The following PCM1 variants were observed in gnomAD, a reference collection of about 807,000 sequenced individuals.
The protein encoded by PCM1 is pericentriolar material 1 protein.
Under a neutral mutation model 241.9 loss-of-function variants are expected in PCM1, and 157 were observed. That is an observed-to-expected ratio of 0.65 (90% CI 0.57 to 0.74). The LOEUF (loss-of-function observed/expected upper bound fraction) is 0.74. PCM1 is among the 30% of genes least tolerant of loss of function. The probability of loss-of-function intolerance (pLI) is 0.00; values close to 1 mark genes in which losing one functional copy is unlikely to be tolerated. For synonymous variants in PCM1, 1,085 were observed against 784.9 expected, an observed-to-expected ratio of 1.38 and a Z score of -6.39; for missense variants, 3,478 against 2,360.1, an observed-to-expected ratio of 1.47 and a Z score of -9.81.
chr8:18,007,742 A>T (rs2091726228), intron 30 of PCM1, among the ~76,000 whole-genome samples: 1 of 152,196 alleles, frequency 6.6e-6, no homozygotes. Context: ...ACCATCTTCT[A>T]CATTTTTCCT....
At chr8:17,949,823 G>T (rs965355474) in intron 7 of PCM1, among the ~76,000 whole-genome samples, 1 of 152,272 alleles carries the variant, frequency 6.6e-6, no homozygotes, top group South Asian at 2.1e-4. Flanking sequence ...GAGTTGGAGA[G>T]TTAGAAGTCA....
At chr8:17,929,265 C>T (rs1256185421) in intron 2 of PCM1, among the ~76,000 whole-genome samples, 1 of 152,178 alleles carries the variant, frequency 6.6e-6, no homozygotes. Flanking sequence ...CCCCTTTTGG[C>T]AGGCTCTCCT....
intron 28 of PCM1, 105 bp downstream of exon 28, chr8:17,991,805 T>A: frequency 1.3e-6 from 1 of 781,414 alleles, no homozygotes; most frequent in Non-Finnish European, 2.1e-6. Context: ...ACCCATCGCC[T>A]GAGCAGTATA....
intron 36 of PCM1, among the ~76,000 whole-genome samples, chr8:18,019,402 G>A: frequency 6.6e-6 from 1 of 152,100 alleles, no homozygotes; most frequent in East Asian, 1.9e-4. Flanking sequence ...AAGGGGGATG[G>A]TTTCAGGATG....
intron 12 of PCM1, 54 bp from the exon 13 acceptor site, chr8:17,957,486 T>C: frequency 5.0e-6 from 8 of 1,604,986 alleles, no homozygotes; most frequent in South Asian, 3.3e-5. Context: ...TTTTCGTTCA[T>C]GTGTGCTCTT....
rs773675341 is a variant in PCM1, at chr8:18,014,614, G to C, written c.5615G>C (p.Cys1872Ser). The part of the protein sequence containing the change: ...NDQNNCPVKP[C>S]YLNILEDEQP... ...CAAAATAACTGTCCTGTGAAACCCT[G>C]TTACCTCAATATCTTGGAAGATGAG... The change falls in exon 36 of 39, where the codon TGT becomes TCT. Residue 1872 changes from cysteine to serine, a missense_variant. Transcript: ENST00000325083. 1 of 1,611,790 alleles carries C rather than the reference G, an allele frequency of 6.2e-7. No homozygotes were observed. Among genetic ancestry groups the C allele is most frequent in the South Asian group, 1.1e-5 (1 of 90,866 alleles).
chr8:17,955,678 A>C (rs375555786), intron 10 of PCM1, 25 bp downstream of exon 10: 14 of 1,566,054 alleles, frequency 8.9e-6, no homozygotes, highest in African/African-American at 1.4e-5. Flanking sequence ...ATCATTGTTT[A>C]CATGAAGTTA....
At chr8:17,952,797 A>C (rs2066583993) in intron 8 of PCM1, among the ~76,000 whole-genome samples, 173 bp from the exon 9 acceptor site, 1 of 152,154 alleles carries the variant, frequency 6.6e-6, no homozygotes, top group Admixed American at 6.5e-5. Flanking sequence ...TAATAGTGGC[A>C]TATCAGGAAA....
intron 2 of PCM1, among the ~76,000 whole-genome samples, chr8:17,935,127 C>T (rs991681269): frequency 7.2e-5 from 11 of 152,320 alleles, no homozygotes; most frequent in Middle Eastern, 6.8e-3. Context: ...CTTCTTGTTT[C>T]TTGCAGAGCA....
chr8:17,950,200 G>A (rs2065494927), intron 7 of PCM1, among the ~76,000 whole-genome samples: 1 of 152,180 alleles, frequency 6.6e-6, no homozygotes, highest in South Asian at 2.1e-4. Context: ...TTTAAGCAAA[G>A]TTTGCCAGCC....
chr8:17,952,568 T>C (rs1186601897), intron 8 of PCM1, among the ~76,000 whole-genome samples: 4 of 152,168 alleles, frequency 2.6e-5, no homozygotes, highest in Admixed American at 1.3e-4. Flanking sequence ...ATTTTTAAAA[T>C]GCAAATTTAA....
At chr8:18,022,925 A>G (rs531441484) in intron 36 of PCM1, among the ~76,000 whole-genome samples, 2 of 152,304 alleles carry the variant, frequency 1.3e-5, no homozygotes, top group Non-Finnish European at 2.9e-5. Flanking sequence ...TTCAGGGCAT[A>G]TTTGAAAAGG....
At chr8:17,958,499 C>G (rs1279695017) in intron 13 of PCM1, among the ~76,000 whole-genome samples, 2 of 151,918 alleles carry the variant, frequency 1.3e-5, no homozygotes, top group Admixed American at 6.6e-5. Context: ...TATGCCTACA[C>G]TTATAATTGT....
At chr8:17,982,027 T>G (rs1387583627) in intron 24 of PCM1, among the ~76,000 whole-genome samples, 1 of 152,242 alleles carries the variant, frequency 6.6e-6, no homozygotes, top group Non-Finnish European at 1.5e-5. Flanking sequence ...ATAGTGGTTT[T>G]ATCATCTTTA....
At chr8:17,990,022 AT>A in intron 27 of PCM1, 43 bp downstream of exon 27, 1 of 1,466,860 alleles carries the variant, frequency 6.8e-7, no homozygotes, top group East Asian at 2.5e-5. Flanking sequence ...CTTTAAGTTG[AT>A]CTGGTCCAGT....
At chr8:17,975,170 T>C (rs1334185247) in intron 23 of PCM1, among the ~76,000 whole-genome samples, 6 of 152,204 alleles carry the variant, frequency 3.9e-5, no homozygotes, top group Non-Finnish European at 8.8e-5. Flanking sequence ...CACTGGTTTA[T>C]GTGGTTTTTG....
intron 6 of PCM1, 77 bp from the exon 7 acceptor site, chr8:17,947,109 T>A: frequency 1.2e-6 from 1 of 807,252 alleles, no homozygotes. Context: ...TCAATGTGTA[T>A]ACTTTGCCAT....
intron 30 of PCM1, 34 bp downstream of exon 30, chr8:18,006,431 G>T: frequency 6.7e-7 from 1 of 1,500,764 alleles, no homozygotes; most frequent in Non-Finnish European, 9.2e-7. Flanking sequence ...TTACCAATAT[G>T]TACTGTGTGG....
chr8:17,961,933 AT>A, intron 15 of PCM1, 100 bp from the exon 16 acceptor site: 1 of 890,002 alleles, frequency 1.1e-6, no homozygotes, highest in Non-Finnish European at 1.7e-6. Context: ...CAGATTAAAT[AT>A]GGCACTAGAG....
Sources: gnomAD v4.1 joint callset for allele counts (sites outside exome capture counted in the v4.1 genomes callset) on GRCh38, gnomAD v4.1.1 for gene constraint, MANE v1.5 for transcripts, NCBI Gene and HGNC (gene_info 2026-07-23, HGNC 2026-07-21) for gene names.